CELSR1: variants seen among roughly 807,000 people sequenced by gnomAD.
CELSR1 encodes the protein cadherin EGF LAG seven-pass G-type receptor 1.
Under a neutral mutation model 249.1 loss-of-function variants are expected in CELSR1, and 110 were observed. That is an observed-to-expected ratio of 0.44 (90% CI 0.38 to 0.52). The LOEUF is 0.52. Ranked by LOEUF, CELSR1 falls within the 20% of genes least tolerant of loss-of-function variation. The pLI is 0.00. For synonymous variants in CELSR1, 2,113 were observed against 1,900.0 expected (o/e 1.11, Z -2.92); for missense variants, 4,109 against 4,296.4 (o/e 0.96, Z 1.22).
intron 5 of CELSR1, among the ~76,000 whole-genome samples, chr22:46,432,488 A>AAGACCCACGC (rs2079607646): frequency 1.3e-5 from 2 of 152,236 alleles, no homozygotes; most frequent in African/African-American, 4.8e-5. Context: ...AGGAGCCGGT[A>AAGACCCACGC]AGACCCACGC....
At chr22:46,405,669 ACCTGACAAGGTGGGTGGATTTTGGGTGC>A (rs2079258570) in intron 9 of CELSR1, among the ~76,000 whole-genome samples, 1 of 152,092 alleles carries the variant, frequency 6.6e-6, no homozygotes, top group Non-Finnish European at 1.5e-5. Context: ...AGGTTATCCC[ACCTGACAAGGTGGGTGGATTTTGGGTGC>A]CCGAGAGCAA....
At chr22:46,457,205 A>C (rs35106019) in intron 2 of CELSR1, among the ~76,000 whole-genome samples, 18,486 of 151,990 alleles carry the variant, frequency 0.12, 1,149 homozygotes, top group African/African-American at 0.16. Context: ...ATTAACCAAG[A>C]GTGGTGGTGC....
At chr22:46,443,021 G>A (rs1189098399) in intron 2 of CELSR1, among the ~76,000 whole-genome samples, 2 of 152,016 alleles carry the variant, frequency 1.3e-5, no homozygotes, top group African/African-American at 2.4e-5. Flanking sequence ...TGGCGTGAAC[G>A]CGGGAGGCGG....
intron 5 of CELSR1, among the ~76,000 whole-genome samples, chr22:46,422,780 A>AAAAAAAAAAAAAAAAAAAAAAAAAG (rs1337523194): frequency 6.7e-6 from 1 of 148,576 alleles, no homozygotes; most frequent in African/African-American, 2.6e-5. Context: ...AAAAAAAAAA[A>AAAAAAAAAAAAAAAAAAAAAAAAAG]TGGCTCATAG....
chr22:46,419,255 T>G (rs897742813), intron 5 of CELSR1, among the ~76,000 whole-genome samples: 1 of 152,114 alleles, frequency 6.6e-6, no homozygotes, highest in Non-Finnish European at 1.5e-5. Context: ...TTCTTGCCAA[T>G]GACAAATGAA....
chr22:46,384,337 G>A (rs1366138541), intron 20 of CELSR1, among the ~76,000 whole-genome samples: 1 of 152,220 alleles, frequency 6.6e-6, no homozygotes, highest in African/African-American at 2.4e-5. Flanking sequence ...GGGCATTTCA[G>A]ATTTCAGGAT....
chr22:46,475,659 T>G (rs199612532), intron 1 of CELSR1, among the ~76,000 whole-genome samples: 19 of 149,722 alleles, frequency 1.3e-4, no homozygotes, highest in Non-Finnish European at 2.4e-4. Flanking sequence ...AAGAAACGAA[T>G]GGGGGGGGAA....
intron 30 of CELSR1, among the ~76,000 whole-genome samples, 177 bp downstream of exon 30, chr22:46,366,209 G>GGAGAGGT (rs2078777324): frequency 2.9e-4 from 1 of 3,400 alleles, no homozygotes; most frequent in Non-Finnish European, 5.4e-4. Flanking sequence ...GAAGGTGCGA[G>GGAGAGGT]GCGGGGAGGG....
At chr22:46,370,006 G>A (rs1174406281) in intron 25 of CELSR1, 6 of 654,092 alleles carry the variant, frequency 9.2e-6, no homozygotes, top group South Asian at 1.5e-5. Context: ...TGGCCCAGGT[G>A]GCAGGAGCTG....
chr22:46,526,754 A>G lies in CELSR1; in HGVS notation c.3544+6873T>C, dbSNP rs1301174165. ...AGGCTATTCGGGCCATGGCTCCTCA[A>G]GGCTGGGCCTGGGTCCCCTCCTAAC... is the stretch of plus-strand genomic sequence containing the variant. On this transcript the variant is annotated intron_variant, in intron 1 of 34. Coordinates refer to ENST00000674500, the MANE Select transcript of CELSR1 (RefSeq NM_001378328.1). The surrounding 1 kb of genome is among the most constrained non-coding windows in gnomAD (Gnocchi z 4.7). 1.3e-5 allele frequency among the ~76,000 whole-genome samples: 2 copies of G among 152,164 alleles called. No individual in the cohort carries two copies. The highest frequency in any genetic ancestry group is 4.8e-5 in the African/African-American group (2 of 41,450).
chr22:46,527,041 C>T lies in CELSR1; in HGVS notation c.3544+6586G>A, dbSNP rs1215884396. Among the ~76,000 whole-genome samples, 2 of 152,162 alleles carry T rather than the reference C, an allele frequency of 1.3e-5. No homozygotes were observed. Among genetic ancestry groups the T allele is most frequent in the Non-Finnish European group, 2.9e-5 (2 of 68,038 alleles). On this transcript the variant is annotated intron_variant, in intron 1 of 34. Transcript: ENST00000674500. This position sits in a 1 kb window ranked among gnomAD's most constrained non-coding sequence, Gnocchi z 5.5. The stretch of plus-strand genomic sequence containing the variant: ...AACATGCCTTAGGAGCTGCCCGGTC[C>T]AGGTTCAAATCCCACTGCTGCCATC...
chr22:46,456,146 G>A (rs2079946352), intron 2 of CELSR1, among the ~76,000 whole-genome samples: 1 of 152,244 alleles, frequency 6.6e-6, no homozygotes, highest in Non-Finnish European at 1.5e-5. Context: ...GACTAACTGC[G>A]ACTTTACTAG....
chr22:46,516,507 T>A lies in CELSR1; in HGVS notation c.3544+17120A>T, dbSNP rs527991193. ...AGCACACCGGTTTTGGGGGGTTTTT[T>A]AAAATTTTTTTTTATAGACACAGGG... is the stretch of plus-strand genomic sequence containing the variant. On this transcript the variant is annotated intron_variant, in intron 1 of 34. Transcript: ENST00000674500. Among the ~76,000 whole-genome samples, 334 of 151,978 alleles carry A rather than the reference T, an allele frequency of 2.2e-3. 2 individuals carry two copies. The highest frequency in any genetic ancestry group is 6.1e-3 in the African/African-American group (254 of 41,400).
intron 5 of CELSR1, among the ~76,000 whole-genome samples, chr22:46,420,007 A>C (rs1179009480): frequency 6.7e-6 from 1 of 149,178 alleles, no homozygotes; most frequent in Admixed American, 6.7e-5. Flanking sequence ...TCATGTGCAT[A>C]CTCAAAACCC....
intron 5 of CELSR1, among the ~76,000 whole-genome samples, chr22:46,422,766 C>CA (rs372904848): frequency 0.24 from 23,433 of 99,206 alleles, 2,745 homozygotes; most frequent in African/African-American, 0.42. Context: ...GACTCCATCT[C>CA]AAAAAAAAAA....
At position 46,536,393 on chromosome 22, in the gene CELSR1, C is replaced by G; in HGVS notation, c.778G>C (p.Ala260Pro). The change falls in exon 1 of 35, where the codon GCG (alanine) becomes CCG (proline). Residue 260 changes from alanine (A) to proline (P), a missense_variant. Coordinates refer to ENST00000674500, the MANE Select transcript of CELSR1 (RefSeq NM_001378328.1). ...TGCAGCTGGAGGATGAGGGTGCCCG[C>G]CGGTTCGTTCTCAAACAACGCCACC... ...YQVALFENEPAGTLILQLHAH... is the reference protein window; with the variant it reads ...YQVALFENEPPGTLILQLHAH... 1 of 1,612,318 alleles carries G rather than the reference C, an allele frequency of 6.2e-7. No individual in the cohort carries two copies. Among genetic ancestry groups the G allele is most frequent in the Non-Finnish European group, 8.5e-7 (1 of 1,179,524 alleles).
At chr22:46,520,400 A>C (rs1329436339) in intron 1 of CELSR1, among the ~76,000 whole-genome samples, 1 of 126,482 alleles carries the variant, frequency 7.9e-6, no homozygotes, top group Non-Finnish European at 1.7e-5. Context: ...AACAGTTTGC[A>C]TTAGTCCTTC....
chr22:46,503,998 C>G (rs147351955), intron 1 of CELSR1, among the ~76,000 whole-genome samples: 16 of 152,264 alleles, frequency 1.1e-4, no homozygotes, highest in African/African-American at 3.9e-4. Flanking sequence ...GTACCATGCA[C>G]TCCGGCCTGG....
At chr22:46,439,502 G>T in intron 2 of CELSR1, 91 bp from the exon 3 acceptor site, 1 of 1,034,050 alleles carries the variant, frequency 9.7e-7, no homozygotes, top group Non-Finnish European at 1.4e-6. Context: ...ACACACCCCA[G>T]CCACACAGTC....
Sources: allele counts gnomAD v4.1 joint callset (sites outside exome capture counted in the v4.1 genomes callset), GRCh38; gene constraint gnomAD v4.1.1; non-coding constraint Gnocchi (gnomAD v3.1); transcripts MANE v1.5; gene names NCBI Gene and HGNC (gene_info 2026-07-23, HGNC 2026-07-21).